MGMT: variants seen among roughly 807,000 people sequenced by gnomAD.
The protein encoded by MGMT is methylated-DNA--protein-cysteine methyltransferase.
In MGMT, 14 loss-of-function variants were observed where a neutral mutation model predicts 15.9. The ratio of observed to expected loss-of-function variants is 0.88; its 90% CI spans 0.58 to 1.37. The LOEUF is 1.37. Ranked by LOEUF, MGMT falls within the 40% of genes most tolerant of loss-of-function variation. MGMT has a pLI of 0.00. For missense variants in MGMT, 282 were observed against 268.1 expected (o/e 1.05, Z -0.36); for synonymous variants, 130 against 118.2 (o/e 1.10, Z -0.65).
intron 1 of MGMT, among the ~76,000 whole-genome samples, chr10:129,495,227 C>T (rs903320264): frequency 3.3e-5 from 5 of 152,234 alleles, no homozygotes; most frequent in South Asian, 2.1e-4. Context: ...GTACAAATAA[C>T]GTAATTTAGA....
chr10:129,628,399 G>A lies in MGMT; in HGVS notation c.126-79496G>A, dbSNP rs539247114. Among the ~76,000 whole-genome samples the A allele has an allele frequency of 7.2e-5, 11 of 152,318 alleles. No individual in the cohort carries two copies. The East Asian group carries it at 1.2e-3, about 16-fold the overall frequency. ...GTTTTGCTCTGGTTTGAAGCAGGGC[G>A]TTTTGTGGAAGGTAGGGCTGGTGGA... On this transcript the variant is annotated intron_variant, in intron 2 of 4. Coordinates refer to ENST00000651593, the MANE Select transcript of MGMT (RefSeq NM_002412.5).
intron 2 of MGMT, among the ~76,000 whole-genome samples, chr10:129,657,044 A>G (rs576140464): frequency 6.6e-5 from 10 of 152,280 alleles, no homozygotes; most frequent in African/African-American, 2.4e-4. Context: ...GGTGAGCTCT[A>G]TGAATTAGGC....
chr10:129,573,559 C>T (rs1846444257), intron 2 of MGMT, among the ~76,000 whole-genome samples: 1 of 151,982 alleles, frequency 6.6e-6, no homozygotes, highest in Non-Finnish European at 1.5e-5. Context: ...TTTCCTTCTA[C>T]TTTTTAAATG....
At chr10:129,689,421 C>T (rs1847946024) in intron 2 of MGMT, among the ~76,000 whole-genome samples, 1 of 152,178 alleles carries the variant, frequency 6.6e-6, no homozygotes, top group Non-Finnish European at 1.5e-5. Flanking sequence ...TGACTTTTTT[C>T]AATCATGTAC....
rs540352297 is a variant in MGMT at position 129,566,278 on chromosome 10, G to T, written c.125+29901G>T. 1.3e-5 allele frequency among the ~76,000 whole-genome samples: 2 copies of T among 152,328 alleles called. No individual in the cohort carries two copies. Among genetic ancestry groups the T allele is most frequent in the African/African-American group, 4.8e-5 (2 of 41,566 alleles). On this transcript the variant is annotated intron_variant, in intron 2 of 4. Transcript: ENST00000651593. The surrounding 1 kb of genome is among the most constrained non-coding windows in gnomAD (Gnocchi z 4.1). ...CAGAGCTCCTGGAGGCCGAGCACAA[G>T]CCTTGGGCAGAGGTGAGGCAGAGCT... is the stretch of plus-strand genomic sequence containing the variant.
At chr10:129,558,708 C>T (rs1347328566) in intron 2 of MGMT, among the ~76,000 whole-genome samples, 1 of 152,188 alleles carries the variant, frequency 6.6e-6, no homozygotes, top group Admixed American at 6.5e-5. Context: ...CCCTGCACGG[C>T]CGTTGGAGAG....
At chr10:129,700,762 C>A (rs1203611793) in intron 2 of MGMT, 2 of 152,178 alleles carry the variant, frequency 1.3e-5, no homozygotes, top group Admixed American at 6.5e-5. Context: ...TTCAGTCTTA[C>A]CCCTGAAAGA....
At chr10:129,737,965 G>A (rs1415364638) in intron 3 of MGMT, among the ~76,000 whole-genome samples, 1 of 152,222 alleles carries the variant, frequency 6.6e-6, no homozygotes. Context: ...AAAGCTGTCA[G>A]ACAGGGACAT....
At chr10:129,567,748 A>C (rs777614606) in intron 2 of MGMT, among the ~76,000 whole-genome samples, 4 of 152,208 alleles carry the variant, frequency 2.6e-5, no homozygotes, top group Non-Finnish European at 5.9e-5. Flanking sequence ...ATGATATACA[A>C]ATCACTTCCA....
At chr10:129,738,375 C>T (rs137902592) in intron 3 of MGMT, among the ~76,000 whole-genome samples, 9,057 of 152,326 alleles carry the variant, frequency 0.059, 363 homozygotes, top group South Asian at 0.17. Flanking sequence ...TGACCCCTTG[C>T]GCTTCCGGAG....
chr10:129,701,989 G>T (rs2133136294), intron 2 of MGMT: 1 of 152,304 alleles, frequency 6.6e-6, no homozygotes, highest in East Asian at 1.9e-4. Context: ...CCACCTTTCT[G>T]TGCCCTGGTT....
intron 3 of MGMT, among the ~76,000 whole-genome samples, chr10:129,710,058 C>T (rs1848213507): frequency 6.6e-6 from 1 of 152,242 alleles, no homozygotes; most frequent in Admixed American, 6.5e-5. Flanking sequence ...GCTTCTCAGT[C>T]AAGTCCCTAG....
chr10:129,646,738 A>ATTT lies in MGMT; in HGVS notation c.126-61156_126-61155insTTT, dbSNP rs1199725603. ...ATCAGAAATATATATATATATATATATATATATATATATATATTTTCAGGG... is the reference window on the plus strand; with the variant it reads ...ATCAGAAATATATATATATATATATATTTTATATATATATATATATTTTCAGGG... On this transcript the variant is annotated intron_variant, in intron 2 of 4. Transcript: ENST00000651593. Among the ~76,000 whole-genome samples the ATTT allele has an allele frequency of 3.2e-5, 3 of 93,894 alleles. 1 individual carries two copies. Among genetic ancestry groups the ATTT allele is most frequent in the Admixed American group, 2.2e-4 (2 of 8,912 alleles). 61.6% of individuals were successfully genotyped at this position (93,894 alleles called of 152,430 possible). A position where few individuals can be genotyped will look rare whatever the true frequency, so the allele number is the denominator to read the frequency against.
Position 129,598,740 on chromosome 10 carries a change from A to G in MGMT, c.125+62363A>G, listed in dbSNP as rs570702600. ...TAGATAATTAAGTGTCTGCTTCTAG[A>G]GGATGTAGATGTGCTTGTCTTGTAT... On this transcript the variant is annotated intron_variant, in intron 2 of 4. Coordinates refer to ENST00000651593, the MANE Select transcript of MGMT (RefSeq NM_002412.5). Among the ~76,000 whole-genome samples the G allele has an allele frequency of 1.4e-4, 21 of 152,276 alleles. No individual in the cohort carries two copies. In the South Asian group the frequency reaches 3.9e-3, roughly 29 times the overall value.
chr10:129,634,544 G>T (rs1847244968), intron 2 of MGMT, among the ~76,000 whole-genome samples: 1 of 150,714 alleles, frequency 6.6e-6, no homozygotes, highest in African/African-American at 2.4e-5. Context: ...TCCTTTCTCT[G>T]TCCTCATTTT....
intron 2 of MGMT, among the ~76,000 whole-genome samples, chr10:129,614,506 C>T (rs185632985): frequency 1.3e-5 from 2 of 152,302 alleles, no homozygotes; most frequent in East Asian, 1.9e-4. Flanking sequence ...GACACGTGCT[C>T]GGCGGCTGGT....
chr10:129,536,476 C>CCATCAATGGGGCT, intron 2 of MGMT, 99 bp downstream of exon 2: 1 of 1,452,626 alleles, frequency 6.9e-7, no homozygotes, highest in Non-Finnish European at 9.3e-7. Context: ...CAGGGTAACG[C>CCATCAATGGGGCT]ATAGCCTTAC....
intron 2 of MGMT, among the ~76,000 whole-genome samples, chr10:129,588,414 G>A (rs1476908329): frequency 3.3e-5 from 5 of 152,314 alleles, no homozygotes; most frequent in South Asian, 2.1e-4. Flanking sequence ...AGGTAATACC[G>A]TATGCATCTT....
At chr10:129,759,582 G>A (rs1848848143) in intron 4 of MGMT, among the ~76,000 whole-genome samples, 1 of 152,180 alleles carries the variant, frequency 6.6e-6, no homozygotes, top group Admixed American at 6.5e-5. Flanking sequence ...ATGAGCTCCT[G>A]GTTGTCACAG....
Sources: gnomAD v4.1 joint callset for allele counts (sites outside exome capture counted in the v4.1 genomes callset) on GRCh38, gnomAD v4.1.1 for gene constraint, Gnocchi (gnomAD v3.1) non-coding constraint, MANE v1.5 for transcripts, NCBI Gene and HGNC (gene_info 2026-07-23, HGNC 2026-07-21) for gene names.